RBFOX1: variants seen among roughly 807,000 people sequenced by gnomAD.
RBFOX1 encodes RNA binding protein fox-1 homolog 1.
RBFOX1 carries 8 observed loss-of-function variants against 57.7 expected under a neutral mutation model. That is an observed-to-expected ratio of 0.14 (90% CI 0.08 to 0.25). The LOEUF (loss-of-function observed/expected upper bound fraction) is 0.25, where lower values mean the gene tolerates loss of function less well. RBFOX1 is among the 10% of genes least tolerant of loss of function. The pLI is 1.00. For synonymous variants in RBFOX1, 326 were observed against 222.4 expected (o/e 1.47, Z -4.15); for missense variants, 611 against 548.5 (o/e 1.11, Z -1.14).
At chr16:6,257,421 TC>T (rs201445419) in intron 1 of RBFOX1, among the ~76,000 whole-genome samples, 110 of 149,782 alleles carry the variant, frequency 7.3e-4, no homozygotes, top group Middle Eastern at 3.4e-3. Context: ...TTCTTCTTCT[TC>T]TTTTTTTTTA....
At chr16:7,549,755 C>G (rs2085743614) in intron 5 of RBFOX1, among the ~76,000 whole-genome samples, 1 of 152,132 alleles carries the variant, frequency 6.6e-6, no homozygotes, top group South Asian at 2.1e-4. Flanking sequence ...ACGCTGACCA[C>G]TGATTAGATT....
At chr16:7,063,682 T>C (rs748488600) in intron 4 of RBFOX1, among the ~76,000 whole-genome samples, 4 of 152,032 alleles carry the variant, frequency 2.6e-5, no homozygotes, top group Non-Finnish European at 5.9e-5. Context: ...TTCAACCAAC[T>C]GTGCTTCAAA....
intron 1 of RBFOX1, among the ~76,000 whole-genome samples, chr16:6,282,139 T>C (rs1053448875): frequency 3.9e-5 from 6 of 152,290 alleles, no homozygotes; most frequent in Middle Eastern, 3.4e-3. Context: ...AGAAGCTCTC[T>C]TCATCTGAAT....
chr16:7,131,034 C>T (rs997369555), intron 4 of RBFOX1, among the ~76,000 whole-genome samples: 1 of 152,254 alleles, frequency 6.6e-6, no homozygotes, highest in African/African-American at 2.4e-5. Flanking sequence ...CTTTGAATTG[C>T]CTTTTTAATC....
At chr16:7,041,166 C>T (rs750443131) in intron 3 of RBFOX1, among the ~76,000 whole-genome samples, 7 of 146,712 alleles carry the variant, frequency 4.8e-5, no homozygotes, top group African/African-American at 1.0e-4. Flanking sequence ...GAACATCTGA[C>T]CTCATGATCC....
At chr16:6,004,320 G>A (rs187087586) in intron 4 of RBFOX1, among the ~76,000 whole-genome samples, 5 of 152,166 alleles carry the variant, frequency 3.3e-5, no homozygotes, top group African/African-American at 1.2e-4. Flanking sequence ...GCTTCTCTAA[G>A]CCTCAGTTTT....
chr16:7,185,811 A>T lies in RBFOX1; in HGVS notation c.27+133713A>T, dbSNP rs116795908. Among the ~76,000 whole-genome samples the T allele has an allele frequency of 2.7e-3, 408 of 152,324 alleles. 3 individuals are homozygous for T. The highest frequency in any genetic ancestry group is 9.4e-3 in the African/African-American group (389 of 41,568). On this transcript the variant is annotated intron_variant, in intron 4 of 15. Transcript: ENST00000550418. ...GCATATGAAGATCTGAGCATCAGTC[A>T]GACTCTCAGGTACTTGATGAACAAG...
At position 6,895,585 on chromosome 16, in the gene RBFOX1, T is replaced by C. The variant is rs372089350; in HGVS notation, c.-15-156472T>C. ...AGAGGAAGGATCTATGTTCAGAAAA[T>C]TTTTTTAAAGGAGGAAGTGGAGGAG... On this transcript the variant is annotated intron_variant, in intron 3 of 15. Coordinates refer to ENST00000550418, the MANE Select transcript of RBFOX1 (RefSeq NM_018723.4). 8.6e-5 allele frequency among the ~76,000 whole-genome samples: 13 copies of C among 150,356 alleles called. 2 individuals carry two copies. The highest frequency in any genetic ancestry group is 2.0e-4 in the East Asian group (1 of 5,104).
At chr16:6,064,089 T>G (rs950287010) in intron 1 of RBFOX1, among the ~76,000 whole-genome samples, 1 of 152,202 alleles carries the variant, frequency 6.6e-6, no homozygotes, top group African/African-American at 2.4e-5. Flanking sequence ...TACATTCCCC[T>G]TTTGGTCAGT....
At chr16:6,634,789 GATATAC>G (rs1567973263) in intron 2 of RBFOX1, among the ~76,000 whole-genome samples, 2 of 135,256 alleles carry the variant, frequency 1.5e-5, no homozygotes, top group South Asian at 2.3e-4. Flanking sequence ...ATAATACAAA[GATATAC>G]ATATATTTGT....
intron 1 of RBFOX1, among the ~76,000 whole-genome samples, chr16:5,361,766 C>G (rs887982058): frequency 3.9e-5 from 6 of 152,166 alleles, no homozygotes; most frequent in African/African-American, 1.4e-4. Context: ...CTCAGGCCAC[C>G]CAGCTGTCTC....
chr16:5,484,893 C>G (rs1284129947), intron 2 of RBFOX1, among the ~76,000 whole-genome samples: 1 of 146,592 alleles, frequency 6.8e-6, no homozygotes, highest in Non-Finnish European at 1.5e-5. Context: ...GAGACTCCAT[C>G]CAAAAAAAAA....
chr16:5,560,991 A>C (rs2151106346), intron 2 of RBFOX1, among the ~76,000 whole-genome samples: 1 of 152,346 alleles, frequency 6.6e-6, no homozygotes, highest in Non-Finnish European at 1.5e-5. Flanking sequence ...GAAATGGTTA[A>C]TGCCAGGACT....
intron 1 of RBFOX1, among the ~76,000 whole-genome samples, chr16:5,412,914 C>G (rs1426671903): frequency 2.0e-5 from 3 of 152,188 alleles, no homozygotes; most frequent in African/African-American, 7.2e-5. Flanking sequence ...GCCACCCACC[C>G]AGGACATGGC....
intron 4 of RBFOX1, among the ~76,000 whole-genome samples, chr16:7,342,595 C>G (rs1427427588): frequency 1.3e-5 from 2 of 152,170 alleles, no homozygotes; most frequent in Non-Finnish European, 2.9e-5. Flanking sequence ...AATGTTTACA[C>G]TTCTCTGCTC....
chr16:5,418,922 T>C (rs558069394), intron 1 of RBFOX1, among the ~76,000 whole-genome samples: 44 of 152,262 alleles, frequency 2.9e-4, no homozygotes, highest in South Asian at 1.7e-3. Flanking sequence ...GGAAGGGTGG[T>C]GCCCCAGCTC....
In RBFOX1 at chr16:5,633,698, A is replaced by T. The variant is rs2048592743; in HGVS notation, c.318+34737A>T. On this transcript the variant is annotated intron_variant, in intron 3 of 19. Coordinates refer to the RBFOX1 transcript ENST00000641259. ...AGGTCAGCCTGGCCAACATCGTGAA[A>T]CTCCGTCTCTTCTAAAAATACAAAA... is the stretch of plus-strand genomic sequence containing the variant. Among the ~76,000 whole-genome samples the T allele has an allele frequency of 5.9e-5, 9 of 151,920 alleles. No individual in the cohort carries two copies. The South Asian group carries it at 1.9e-3, about 32-fold the overall frequency.
intron 3 of RBFOX1, among the ~76,000 whole-genome samples, chr16:6,680,817 A>G (rs1248740569): frequency 1.3e-5 from 2 of 152,220 alleles, no homozygotes; most frequent in African/African-American, 2.4e-5. Context: ...AAATGTTGCA[A>G]TATTAAAAGC....
At position 5,296,119 on chromosome 16, in the gene RBFOX1, C is replaced by G. The variant is rs1039448588; in HGVS notation, c.219+56014C>G. Among the ~76,000 whole-genome samples the G allele has an allele frequency of 8.5e-5, 13 of 152,318 alleles. 1 individual carries two copies. In the Middle Eastern group the frequency reaches 0.01, roughly 120 times the overall value. The stretch of plus-strand genomic sequence containing the variant: ...CCTGTGTTGTTCTCACAGACGCCTT[C>G]TTCATTCAGCCTTGGAGATCTAATC... On this transcript the variant is annotated intron_variant, in intron 1 of 2. Transcript: ENST00000585867.
Sources: allele counts gnomAD v4.1 joint callset (sites outside exome capture counted in the v4.1 genomes callset), GRCh38; gene constraint gnomAD v4.1.1; transcripts MANE v1.5; gene names NCBI Gene and HGNC (gene_info 2026-07-23, HGNC 2026-07-21).